The following KCNMB2 variants were observed in gnomAD, a reference collection of about 807,000 sequenced individuals.
KCNMB2 encodes potassium calcium-activated channel subfamily M regulatory beta subunit 2, also known as calcium-activated potassium channel subunit beta-2.
KCNMB2 carries 9 observed loss-of-function variants against 24.5 expected under a neutral mutation model. The observed-to-expected ratio is 0.37, with a 90% CI of 0.22 to 0.64. The LOEUF is 0.64. Ranked by LOEUF, KCNMB2 falls within the 30% of genes least tolerant of loss-of-function variation. The pLI is 0.63. For missense variants in KCNMB2, 226 were observed against 284.3 expected, an observed-to-expected ratio of 0.79 and a Z score of 1.47; for synonymous variants, 109 against 104.4, an observed-to-expected ratio of 1.04 and a Z score of -0.27.
At chr3:178,682,738 C>T (rs1721312656) in intron 1 of KCNMB2, among the ~76,000 whole-genome samples, 1 of 151,740 alleles carries the variant, frequency 6.6e-6, no homozygotes, top group Admixed American at 6.6e-5. Flanking sequence ...AGAAAGCATA[C>T]AAGTAGCCAA....
At chr3:178,626,690 C>G (rs1719129911) in intron 1 of KCNMB2, among the ~76,000 whole-genome samples, 1 of 152,000 alleles carries the variant, frequency 6.6e-6, no homozygotes, top group Admixed American at 6.5e-5. Flanking sequence ...AAACTGCCCC[C>G]AGGATCCAAT....
chr3:178,757,007 G>C (rs1724076047), intron 1 of KCNMB2: 1 of 150,950 alleles, frequency 6.6e-6, no homozygotes, highest in African/African-American at 2.4e-5. Context: ...AAGTGACAAT[G>C]AAAAAAAATT....
chr3:178,612,431 G>A (rs1484313479), intron 1 of KCNMB2, among the ~76,000 whole-genome samples: 1 of 152,076 alleles, frequency 6.6e-6, no homozygotes, highest in East Asian at 1.9e-4. Context: ...AGTGTTGGGT[G>A]CATATATATT....
chr3:178,658,976 C>G (rs1180170805), intron 1 of KCNMB2, among the ~76,000 whole-genome samples: 2 of 152,238 alleles, frequency 1.3e-5, no homozygotes, highest in African/African-American at 4.8e-5. Flanking sequence ...GTTATCTCTT[C>G]AGGCAAATGC....
At chr3:178,691,190 C>T (rs543108552) in intron 1 of KCNMB2, among the ~76,000 whole-genome samples, 4 of 140,812 alleles carry the variant, frequency 2.8e-5, no homozygotes, top group South Asian at 2.2e-4. Flanking sequence ...TCAAATGATC[C>T]ACCTGCCTCA....
chr3:178,778,342 C>G (rs554114846), intron 1 of KCNMB2, among the ~76,000 whole-genome samples: 80 of 152,110 alleles, frequency 5.3e-4, no homozygotes, highest in African/African-American at 1.8e-3. Context: ...AAAAAACAGG[C>G]TAAGACGGGC....
chr3:178,709,833 T>A (rs1026193159), intron 1 of KCNMB2, among the ~76,000 whole-genome samples: 3 of 152,182 alleles, frequency 2.0e-5, no homozygotes. Flanking sequence ...TCTATGTACA[T>A]CTTGTTTCAT....
At position 178,842,694 on chromosome 3, in the gene KCNMB2, C is replaced by T. The variant is rs915249573; in HGVS notation, c.465C>T (p.Ser155=). The T allele has an allele frequency of 1.9e-6, 3 of 1,612,920 alleles. No individual in the cohort carries two copies. In the African/African-American group the frequency reaches 4.0e-5, roughly 22 times the overall value. ...AATGTGGAAAAAATTTTGAAGAATC[C>T]ATGTCCCTGGTGAATGTTGTCATGG... ...IPKCGKNFEE[S]MSLVNVVMEN... is the part of the protein sequence containing the mutation. The change falls in exon 5 of 5, where the codon TCC becomes TCT. Residue 155 remains serine, a synonymous_variant. Transcript: ENST00000452583.
chr3:178,696,221 T>A (rs534401250), intron 1 of KCNMB2, among the ~76,000 whole-genome samples: 10 of 152,264 alleles, frequency 6.6e-5, no homozygotes, highest in Middle Eastern at 3.4e-3. Flanking sequence ...GGGGAAACCA[T>A]CCTTATGATT....
At chr3:178,737,377 T>G (rs1392169363) in intron 1 of KCNMB2, among the ~76,000 whole-genome samples, 1 of 152,092 alleles carries the variant, frequency 6.6e-6, no homozygotes, top group Non-Finnish European at 1.5e-5. Flanking sequence ...AAAACAGGGT[T>G]GTTTGTTTGT....
At chr3:178,818,635 TTATC>T (rs1333031728) in intron 2 of KCNMB2, among the ~76,000 whole-genome samples, 3 of 152,180 alleles carry the variant, frequency 2.0e-5, no homozygotes, top group Admixed American at 2.0e-4. Context: ...AAACCCCTCT[TTATC>T]TAACACCTGA....
chr3:178,632,472 T>A (rs1003032616), intron 1 of KCNMB2, among the ~76,000 whole-genome samples: 1 of 152,170 alleles, frequency 6.6e-6, no homozygotes, highest in African/African-American at 2.4e-5. Context: ...CTTCTTCACA[T>A]GGCAGCAGCA....
At chr3:178,686,644 T>C (rs1043197398) in intron 1 of KCNMB2, among the ~76,000 whole-genome samples, 4 of 152,210 alleles carry the variant, frequency 2.6e-5, no homozygotes, top group African/African-American at 9.6e-5. Flanking sequence ...GGGGATACCA[T>C]GTCCTAAATC....
At chr3:178,620,481 C>T (rs6782091) in intron 1 of KCNMB2, among the ~76,000 whole-genome samples, 98,855 of 152,072 alleles carry the variant, frequency 0.65, 33,063 homozygotes, top group African/African-American at 0.82. Flanking sequence ...AAGTCCAAGA[C>T]CAAGGTGCTA....
intron 1 of KCNMB2, among the ~76,000 whole-genome samples, chr3:178,770,051 C>T (rs1382228144): frequency 1.3e-5 from 2 of 152,146 alleles, no homozygotes; most frequent in Non-Finnish European, 2.9e-5. Flanking sequence ...AGAACAACAG[C>T]CAAATATTGA....
intron 1 of KCNMB2, among the ~76,000 whole-genome samples, chr3:178,664,360 G>A (rs1720641319): frequency 1.3e-5 from 2 of 152,136 alleles, no homozygotes; most frequent in Admixed American, 6.6e-5. Flanking sequence ...ACAATTGAGA[G>A]GCTTTTACAG....
In KCNMB2 at chr3:178,843,039, T is replaced by G. The variant is rs1177723575; in HGVS notation, c.*102T>G. ...TTTGTAACGTGCAGTCTGTTATGAG[T>G]TCCCTAATATATTCTTATATGTAGA... On this transcript the variant is annotated 3_prime_UTR_variant, in exon 5 of 5. Transcript: ENST00000452583. 1.1e-6 allele frequency: 1 copy of G among 892,518 alleles called. No homozygotes were observed. Among genetic ancestry groups the G allele is most frequent in the Non-Finnish European group, 1.7e-6 (1 of 581,360 alleles). The allele number at this position is 892,518 out of a possible 1,614,324, so 55.3% of individuals were successfully genotyped here. A position where few individuals can be genotyped will look rare whatever the true frequency, so the allele number is the denominator to read the frequency against.
At chr3:178,696,218 C>T (rs1003290338) in intron 1 of KCNMB2, among the ~76,000 whole-genome samples, 1 of 152,150 alleles carries the variant, frequency 6.6e-6, no homozygotes, top group African/African-American at 2.4e-5. Flanking sequence ...ATGGGGGAAA[C>T]CATCCTTATG....
chr3:178,740,352 C>T (rs1040379853), intron 1 of KCNMB2, among the ~76,000 whole-genome samples: 2 of 152,042 alleles, frequency 1.3e-5, no homozygotes, highest in African/African-American at 4.8e-5. Flanking sequence ...GATCTCCTGA[C>T]CTCATGATCT....
Sources: allele counts gnomAD v4.1 joint callset (sites outside exome capture counted in the v4.1 genomes callset), GRCh38; gene constraint gnomAD v4.1.1; transcripts MANE v1.5; gene names NCBI Gene and HGNC (gene_info 2026-07-23, HGNC 2026-07-21).